The following CABLES1 variants were observed in gnomAD, a reference collection of about 807,000 sequenced individuals.
CABLES1 encodes the protein CDK5 and ABL1 enzyme substrate 1.
CABLES1 carries 36 observed loss-of-function variants against 57.8 expected under a neutral mutation model. The ratio of observed to expected loss-of-function variants is 0.62; its 90% CI spans 0.48 to 0.82. The LOEUF is 0.82. Ranked by LOEUF, CABLES1 falls within the 40% of genes least tolerant of loss-of-function variation. The probability of loss-of-function intolerance (pLI) is 0.00; values close to 1 mark genes in which losing one functional copy is unlikely to be tolerated. For missense variants in CABLES1, 767 were observed against 836.6 expected, an observed-to-expected ratio of 0.92 and a Z score of 1.03; for synonymous variants, 374 against 363.0, an observed-to-expected ratio of 1.03 and a Z score of -0.35.
chr18:23,144,959 G>A lies in CABLES1; in HGVS notation c.845+8352G>A, dbSNP rs563956521. Among the ~76,000 whole-genome samples, 236 of 148,520 alleles carry A rather than the reference G, an allele frequency of 1.6e-3. 1 individual carries two copies. Among genetic ancestry groups the A allele is most frequent in the Non-Finnish European group, 5.8e-4 (39 of 67,466 alleles). ...CTTTCTTTTTTTTTTTCTTTGAGAC[G>A]GAGCCTCACTCTGTTGCCCAGGCTG... On this transcript the variant is annotated intron_variant, in intron 1 of 9. Transcript: ENST00000256925.
intron 4 of CABLES1, among the ~76,000 whole-genome samples, chr18:23,215,401 A>C (rs1401627661): frequency 2.0e-5 from 3 of 152,128 alleles, no homozygotes; most frequent in Non-Finnish European, 4.4e-5. Context: ...ATCTTATTAC[A>C]AGTAGTAGCC....
rs530836698 is a variant in CABLES1, at chr18:23,188,504, G to A, written c.846-334G>A. The stretch of plus-strand genomic sequence containing the variant: ...ATGCCTTAGAAAAGCTGCACACAGC[G>A]CTCAAGTTATCCTGTATATTACAAG... On this transcript the variant is annotated intron_variant, in intron 1 of 9. Coordinates refer to ENST00000256925, the MANE Select transcript of CABLES1 (RefSeq NM_001100619.3). Among the ~76,000 whole-genome samples, 90 of 151,680 alleles carry A rather than the reference G, an allele frequency of 5.9e-4. 1 individual carries two copies. The highest frequency in any genetic ancestry group is 9.4e-4 in the Non-Finnish European group (64 of 68,000).
chr18:23,249,599 G>A (rs558033510), intron 7 of CABLES1, among the ~76,000 whole-genome samples: 10 of 152,262 alleles, frequency 6.6e-5, no homozygotes, highest in African/African-American at 1.9e-4. Flanking sequence ...CGTCTTTTAC[G>A]TACGTTTTGT....
At chr18:23,171,597 G>T (rs781461253) in intron 1 of CABLES1, among the ~76,000 whole-genome samples, 1 of 152,096 alleles carries the variant, frequency 6.6e-6, no homozygotes, top group Non-Finnish European at 1.5e-5. Flanking sequence ...GAGATCTTTA[G>T]GAATCTGCCT....
chr18:23,142,709 T>C lies in CABLES1; in HGVS notation c.845+6102T>C, dbSNP rs910636572. Reference sequence around the variant, plus strand: ...TCATGGGAGATGGAGGCATAAAACATGGTCCCTGTCTGTGCTGGGTGACAT... The same window carrying C: ...TCATGGGAGATGGAGGCATAAAACACGGTCCCTGTCTGTGCTGGGTGACAT... On this transcript the variant is annotated intron_variant, in intron 1 of 9. Transcript: ENST00000256925. Among the ~76,000 whole-genome samples the C allele has an allele frequency of 2.6e-5, 4 of 152,182 alleles. No homozygotes were observed. The East Asian group carries it at 5.8e-4, about 22-fold the overall frequency.
chr18:23,147,835 T>A (rs953031493), intron 1 of CABLES1, among the ~76,000 whole-genome samples: 2 of 152,160 alleles, frequency 1.3e-5, no homozygotes, highest in Non-Finnish European at 2.9e-5. Flanking sequence ...GACGCTGCCC[T>A]ACTTGGAGGG....
At chr18:23,243,306 T>G (rs2047782603) in intron 7 of CABLES1, among the ~76,000 whole-genome samples, 1 of 151,948 alleles carries the variant, frequency 6.6e-6, no homozygotes, top group Non-Finnish European at 1.5e-5. Flanking sequence ...TCCCTATTAT[T>G]GTGGCACTTC....
At chr18:23,226,295 G>A (rs1001733208) in intron 4 of CABLES1, among the ~76,000 whole-genome samples, 8 of 152,024 alleles carry the variant, frequency 5.3e-5, no homozygotes, top group Non-Finnish European at 1.0e-4. Context: ...CCAGCTACTC[G>A]GGAGGCTGAG....
At chr18:23,218,900 AC>A (rs2145060293) in intron 4 of CABLES1, among the ~76,000 whole-genome samples, 1 of 152,312 alleles carries the variant, frequency 6.6e-6, no homozygotes, top group South Asian at 2.1e-4. Flanking sequence ...GGAATGAGTT[AC>A]CAATCCCAAG....
At chr18:23,175,127 T>G (rs1457342763) in intron 1 of CABLES1, among the ~76,000 whole-genome samples, 1 of 152,010 alleles carries the variant, frequency 6.6e-6, no homozygotes, top group Non-Finnish European at 1.5e-5. Context: ...AAGAAACAAA[T>G]TAGATTCTGA....
intron 3 of CABLES1, among the ~76,000 whole-genome samples, chr18:23,195,494 C>T (rs376941823): frequency 5.3e-5 from 8 of 152,278 alleles, no homozygotes; most frequent in East Asian, 1.9e-4. Context: ...CTGTAAGTCG[C>T]GAGTAAAGTA....
chr18:23,220,309 G>A (rs1165140129), intron 4 of CABLES1, among the ~76,000 whole-genome samples: 1 of 152,148 alleles, frequency 6.6e-6, no homozygotes, highest in Non-Finnish European at 1.5e-5. Context: ...ACAGTGTATG[G>A]CATCCCAGGC....
chr18:23,217,649 A>G (rs2047451891), intron 4 of CABLES1, among the ~76,000 whole-genome samples: 3 of 152,374 alleles, frequency 2.0e-5, no homozygotes, highest in East Asian at 1.9e-4. Context: ...GGAAACAACT[A>G]TGCTCAAATT....
At chr18:23,197,683 C>T (rs1479434950) in intron 3 of CABLES1, 2 of 152,172 alleles carry the variant, frequency 1.3e-5, no homozygotes, top group Admixed American at 1.3e-4. Context: ...CGTCTCCTAG[C>T]AGGTAGGGAA....
At chr18:23,177,412 CAT>C (rs1342966419) in intron 1 of CABLES1, among the ~76,000 whole-genome samples, 13 of 124,658 alleles carry the variant, frequency 1.0e-4, no homozygotes, top group South Asian at 2.7e-4. Flanking sequence ...TGTGTGAGCA[CAT>C]GTGTACACAC....
At chr18:23,167,260 C>G (rs189600419) in intron 1 of CABLES1, among the ~76,000 whole-genome samples, 2 of 152,180 alleles carry the variant, frequency 1.3e-5, no homozygotes, top group East Asian at 1.9e-4. Flanking sequence ...TGGGAGACTT[C>G]CTGGATTTTT....
Position 23,257,603 on chromosome 18 carries a change from G to A in CABLES1, c.*236G>A, listed in dbSNP as rs1568099148. The A allele has an allele frequency of 6.8e-5, 30 of 441,618 alleles. No individual in the cohort carries two copies. In the East Asian group the frequency reaches 1.2e-3, roughly 18 times the overall value. 27.4% of individuals were successfully genotyped at this position (441,618 alleles called of 1,614,324 possible). On this transcript the variant is annotated 3_prime_UTR_variant, in exon 10 of 10. Transcript: ENST00000256925. ...GAAGAGGAGGTGTGTGCTGAGAACA[G>A]AGAGGCCCTGCCCTCTGTCCACTAG...
At chr18:23,246,539 C>G (rs1340443651) in intron 7 of CABLES1, among the ~76,000 whole-genome samples, 1 of 151,844 alleles carries the variant, frequency 6.6e-6, no homozygotes, top group East Asian at 2.0e-4. Flanking sequence ...CTACAGGCAC[C>G]CGCCACCACA....
intron 4 of CABLES1, among the ~76,000 whole-genome samples, chr18:23,215,237 G>T (rs77084503): frequency 0.032 from 4,939 of 152,220 alleles, 92 homozygotes; most frequent in East Asian, 0.052. Context: ...TGGCCAGTGG[G>T]CTGCCCAGAG....
Sources: gnomAD v4.1 joint callset for allele counts (sites outside exome capture counted in the v4.1 genomes callset) on GRCh38, gnomAD v4.1.1 for gene constraint, MANE v1.5 for transcripts, NCBI Gene and HGNC (gene_info 2026-07-23, HGNC 2026-07-21) for gene names.